Variants in TNFAIP8 observed in about 807,000 individuals in gnomAD.
TNFAIP8 encodes the protein TNF alpha induced protein 8.
A neutral mutation model predicts 13.3 loss-of-function variants in TNFAIP8; 7 were observed. The ratio of observed to expected loss-of-function variants is 0.52; its 90% CI spans 0.30 to 0.99. TNFAIP8 has a LOEUF of 0.99. Ranked by LOEUF, TNFAIP8 falls within the 50% of genes least tolerant of loss-of-function variation. TNFAIP8 has a pLI of 0.07. For synonymous variants in TNFAIP8, 94 were observed against 87.6 expected (o/e 1.07, Z -0.41); for missense variants, 258 against 236.9 (o/e 1.09, Z -0.58).
chr5:119,382,414 T>C (rs545811560), intron 1 of TNFAIP8, among the ~76,000 whole-genome samples: 2 of 152,332 alleles, frequency 1.3e-5, no homozygotes, highest in African/African-American at 4.8e-5. Flanking sequence ...TTATACATTA[T>C]ACACACTCAA....
chr5:119,334,624 C>CGTGT (rs59714206), intron 1 of TNFAIP8, among the ~76,000 whole-genome samples: 24,733 of 135,634 alleles, frequency 0.18, 2,394 homozygotes, highest in East Asian at 0.38. Flanking sequence ...GTGATCCTTT[C>CGTGT]GTGTGTGTGT....
chr5:119,387,078 C>G (rs1172503342), intron 1 of TNFAIP8, among the ~76,000 whole-genome samples: 2 of 148,168 alleles, frequency 1.3e-5, no homozygotes, highest in Non-Finnish European at 3.0e-5. Flanking sequence ...AGTATGAAAG[C>G]TGGTGACACT....
At chr5:119,305,240 A>G (rs1258166579) in intron 1 of TNFAIP8, among the ~76,000 whole-genome samples, 1 of 152,224 alleles carries the variant, frequency 6.6e-6, no homozygotes, top group Non-Finnish European at 1.5e-5. Flanking sequence ...TCTTCCCTCA[A>G]AAATGAACTG....
chr5:119,353,365 C>T (rs903562558), upstream of TNFAIP8, among the ~76,000 whole-genome samples: 6 of 152,244 alleles, frequency 3.9e-5, no homozygotes, highest in Non-Finnish European at 7.3e-5. Context: ...CCTAGAGAAT[C>T]AGCTGCCCTT....
chr5:119,392,901 C>G lies in TNFAIP8; in HGVS notation c.117C>G (p.Ala39=). 6.3e-7 allele frequency: 1 copy of G among 1,593,966 alleles called. No homozygotes were observed. Among genetic ancestry groups the G allele is most frequent in the Non-Finnish European group, 8.5e-7 (1 of 1,170,152 alleles). Residue 39 remains alanine (A), a synonymous_variant, in exon 2 of 2, where the codon GCC becomes GCG. Transcript: ENST00000504771. ...ILGKMVSKSI[A]TTLIDDTSSE... ...GTAAAATGGTGTCCAAATCCATCGCCACCACCTTAATAGACGACACAAGTA... is the reference window on the plus strand; with the variant it reads ...GTAAAATGGTGTCCAAATCCATCGCGACCACCTTAATAGACGACACAAGTA...
At chr5:119,297,497 A>T (rs1009495125) in intron 1 of TNFAIP8, among the ~76,000 whole-genome samples, 10 of 152,174 alleles carry the variant, frequency 6.6e-5, no homozygotes, top group Admixed American at 5.9e-4. Flanking sequence ...CTGTTCTTTT[A>T]CATTTGCTGA....
intron 1 of TNFAIP8, among the ~76,000 whole-genome samples, chr5:119,295,594 G>T (rs1749150517): frequency 6.6e-6 from 1 of 152,046 alleles, no homozygotes. Context: ...TTTGGCTTAG[G>T]ATTGACTTGG....
chr5:119,350,668 A>C (rs1053666988), intron 1 of TNFAIP8, among the ~76,000 whole-genome samples: 2 of 152,220 alleles, frequency 1.3e-5, no homozygotes, highest in Admixed American at 6.5e-5. Context: ...CTCATCTCCG[A>C]TGTCAGCAAT....
rs56896742 is a variant in TNFAIP8, at chr5:119,292,645, C to CATATATAT, written c.1+23772_1+23779dup. Among the ~76,000 whole-genome samples the CATATATAT allele has an allele frequency of 3.6e-3, 117 of 32,772 alleles. 8 individuals carry two copies. The highest frequency in any genetic ancestry group is 5.9e-3 in the Non-Finnish European group (65 of 11,036). The allele number at this position is 32,772 out of a possible 152,430, so 21.5% of individuals were successfully genotyped here. On this transcript the variant is annotated intron_variant, in intron 1 of 1. Transcript: ENST00000274456. ...ATTAGTGAATGAATAATCAATGTAG[C>CATATATAT]ATATATATATATATATATATATATA...
intron 1 of TNFAIP8, among the ~76,000 whole-genome samples, chr5:119,368,146 C>A (rs1751934108): frequency 6.6e-6 from 1 of 152,112 alleles, no homozygotes; most frequent in African/African-American, 2.4e-5. Context: ...CTGTGGTCCA[C>A]TTGAAATAGC....
chr5:119,392,643 C>T (rs1414681069), intron 1 of TNFAIP8, among the ~76,000 whole-genome samples, 173 bp from the exon 2 acceptor site: 1 of 152,190 alleles, frequency 6.6e-6, no homozygotes, highest in Non-Finnish European at 1.5e-5. Flanking sequence ...TGAGCCACTC[C>T]ACCCAGCCAA....
At chr5:119,387,160 T>G (rs1425424536) in intron 1 of TNFAIP8, among the ~76,000 whole-genome samples, 1 of 152,066 alleles carries the variant, frequency 6.6e-6, no homozygotes, top group Non-Finnish European at 1.5e-5. Flanking sequence ...TGTAGGGAGG[T>G]CAACTCTTCG....
chr5:119,288,226 A>T (rs10519578), intron 1 of TNFAIP8, among the ~76,000 whole-genome samples: 1 of 152,252 alleles, frequency 6.6e-6, no homozygotes, highest in South Asian at 2.1e-4. Flanking sequence ...TCCTCTTAAC[A>T]TTATTTTGTA....
intron 1 of TNFAIP8, among the ~76,000 whole-genome samples, chr5:119,283,525 G>A (rs1160023617): frequency 6.6e-6 from 1 of 152,178 alleles, no homozygotes; most frequent in East Asian, 1.9e-4. Context: ...GAATGCTTAG[G>A]TGATCTCTTA....
chr5:119,389,156 C>A (rs1201602438), intron 1 of TNFAIP8, among the ~76,000 whole-genome samples: 2 of 151,856 alleles, frequency 1.3e-5, no homozygotes, highest in Non-Finnish European at 2.9e-5. Context: ...TTTGATTGAG[C>A]AAAAGGTTGG....
chr5:119,302,089 T>A (rs967139986), intron 1 of TNFAIP8, among the ~76,000 whole-genome samples: 1 of 152,200 alleles, frequency 6.6e-6, no homozygotes, highest in Non-Finnish European at 1.5e-5. Context: ...AAGGGAGGAG[T>A]TGGTTATTCA....
upstream of TNFAIP8, chr5:119,355,847 G>A (rs955275669): frequency 1.9e-6 from 2 of 1,051,738 alleles, no homozygotes; most frequent in East Asian, 6.8e-5. Context: ...CTGCCGGCCC[G>A]AGCGCGCGGC....
Position 119,397,820 on chromosome 5 carries a change from A to C in TNFAIP8, c.*4439A>C, listed in dbSNP as rs1753110120. 1 of 152,244 alleles carries C rather than the reference A, an allele frequency of 6.6e-6. No homozygotes were observed. Among genetic ancestry groups the C allele is most frequent in the African/African-American group, 2.4e-5 (1 of 41,454 alleles). 9.4% of individuals were successfully genotyped at this position (152,244 alleles called of 1,614,324 possible). A position where few individuals can be genotyped will look rare whatever the true frequency, so the allele number is the denominator to read the frequency against. ...TTACTAAGTGTCTGCACGGTCACTT[A>C]TGTATACCCAAAGCCAGAAAGATAT... On this transcript the variant is annotated 3_prime_UTR_variant, in exon 2 of 2. Transcript: ENST00000504771.
At chr5:119,296,373 A>G (rs547056876) in intron 1 of TNFAIP8, among the ~76,000 whole-genome samples, 9,757 of 151,816 alleles carry the variant, frequency 0.064, 755 homozygotes, top group African/African-American at 0.18. Flanking sequence ...TTCTGCATCT[A>G]TTGAGATAAT....
Sources: allele counts gnomAD v4.1 joint callset (sites outside exome capture counted in the v4.1 genomes callset), GRCh38; gene constraint gnomAD v4.1.1; transcripts MANE v1.5; gene names NCBI Gene and HGNC (gene_info 2026-07-23, HGNC 2026-07-21).